CDH4: variants seen among roughly 807,000 people sequenced by gnomAD.
CDH4 encodes cadherin-4.
A neutral mutation model predicts 86.0 loss-of-function variants in CDH4; 33 were observed. The observed-to-expected ratio is 0.38, with a 90% confidence interval of 0.29 to 0.51. The LOEUF is 0.51. Among genes scored for constraint, CDH4 ranks in the 20% least tolerant of loss-of-function variants. CDH4 has a pLI of 0.86. For missense variants in CDH4, 1,114 were observed against 1,307.4 expected (o/e 0.85, Z 2.28); for synonymous variants, 555 against 549.4 (o/e 1.01, Z -0.14).
At chr20:61,834,986 G>A (rs567732287) in intron 4 of CDH4, among the ~76,000 whole-genome samples, 18 of 152,366 alleles carry the variant, frequency 1.2e-4, no homozygotes, top group Non-Finnish European at 1.8e-4. Flanking sequence ...CTGGTGCTGT[G>A]TCGTCACAGA....
chr20:61,783,459 G>A (rs1383936654), intron 4 of CDH4, among the ~76,000 whole-genome samples: 1 of 151,964 alleles, frequency 6.6e-6, no homozygotes, highest in Non-Finnish European at 1.5e-5. Flanking sequence ...CAGTTCCTTG[G>A]GACAGTTCTC....
intron 2 of CDH4, among the ~76,000 whole-genome samples, chr20:61,720,048 G>T (rs1003145896): frequency 6.6e-6 from 1 of 152,140 alleles, no homozygotes; most frequent in Non-Finnish European, 1.5e-5. Flanking sequence ...TCTCAGTAAC[G>T]GAGAAGGAGG....
At chr20:61,469,123 C>A (rs1425978058) in intron 2 of CDH4, among the ~76,000 whole-genome samples, 9 of 152,060 alleles carry the variant, frequency 5.9e-5, no homozygotes, top group Non-Finnish European at 1.3e-4. Flanking sequence ...TTGAGGAACC[C>A]CCAAGCAGTT....
chr20:61,785,461 T>A (rs528338805), intron 4 of CDH4, among the ~76,000 whole-genome samples: 1 of 152,300 alleles, frequency 6.6e-6, no homozygotes, highest in Admixed American at 6.5e-5. Context: ...GGAGCTGGAT[T>A]TGGCCTGTGG....
chr20:61,593,389 A>T (rs2086531928), intron 2 of CDH4, among the ~76,000 whole-genome samples: 1 of 152,196 alleles, frequency 6.6e-6, no homozygotes, highest in Admixed American at 6.5e-5. Flanking sequence ...GGGTCATAGG[A>T]TAACTCACAC....
chr20:61,890,782 T>A (rs1043372480), intron 7 of CDH4, among the ~76,000 whole-genome samples: 1 of 152,160 alleles, frequency 6.6e-6, no homozygotes, highest in African/African-American at 2.4e-5. Flanking sequence ...TCTTGGTAAA[T>A]GTCAGCTCTG....
chr20:61,508,857 C>G (rs1172540915), intron 2 of CDH4, among the ~76,000 whole-genome samples: 2 of 152,226 alleles, frequency 1.3e-5, no homozygotes, highest in African/African-American at 4.8e-5. Context: ...GCAAGGAGGG[C>G]TTGGGCTGGG....
Position 61,663,354 on chromosome 20 carries a change from G to T in CDH4, c.170-80209G>T, listed in dbSNP as rs904779095. Among the ~76,000 whole-genome samples the T allele has an allele frequency of 7.2e-5, 11 of 152,250 alleles. No individual in the cohort carries two copies. The highest frequency in any genetic ancestry group is 2.0e-4 in the Admixed American group (3 of 15,292). ...CTGGGAGGGTGACGCTGGGGCAGGG[G>T]CTGCTGCGGACAAGCGTTGGGAGGC... On this transcript the variant is annotated intron_variant, in intron 2 of 15. Transcript: ENST00000614565. This position sits in a 1 kb window ranked among gnomAD's most constrained non-coding sequence, Gnocchi z 5.0.
chr20:61,652,572 T>C (rs181128371), intron 2 of CDH4, among the ~76,000 whole-genome samples: 1 of 152,328 alleles, frequency 6.6e-6, no homozygotes, highest in East Asian at 1.9e-4. Flanking sequence ...TTTCCTTAGA[T>C]ACATTCTTAA....
intron 5 of CDH4, among the ~76,000 whole-genome samples, chr20:61,850,587 C>T (rs758665242): frequency 3.3e-5 from 5 of 152,236 alleles, no homozygotes; most frequent in South Asian, 2.1e-4. Flanking sequence ...TGCCAGACCA[C>T]GCCCATGTAT....
At chr20:61,823,212 G>T (rs199656218) in intron 4 of CDH4, among the ~76,000 whole-genome samples, 3,455 of 72,088 alleles carry the variant, frequency 0.048, 101 homozygotes, top group East Asian at 0.17. Context: ...AGTTTAAATG[G>T]TGTTGGTGAT....
intron 2 of CDH4, among the ~76,000 whole-genome samples, chr20:61,586,938 A>C (rs930008042): frequency 2.0e-5 from 3 of 152,238 alleles, no homozygotes; most frequent in Admixed American, 6.5e-5. Context: ...ATAAAATCAT[A>C]GATAAGCAGC....
intron 2 of CDH4, among the ~76,000 whole-genome samples, chr20:61,288,276 T>C (rs1202453346): frequency 6.6e-6 from 1 of 152,226 alleles, no homozygotes; most frequent in Non-Finnish European, 1.5e-5. Context: ...CTCAATCTTC[T>C]GGATAGGCCC....
At chr20:61,472,520 T>C (rs2085510592) in intron 2 of CDH4, among the ~76,000 whole-genome samples, 1 of 152,194 alleles carries the variant, frequency 6.6e-6, no homozygotes. Context: ...TTCTTGCTTT[T>C]CATTTTTTTT....
intron 2 of CDH4, among the ~76,000 whole-genome samples, chr20:61,430,645 C>T (rs2085241349): frequency 1.3e-5 from 2 of 152,186 alleles, no homozygotes; most frequent in African/African-American, 4.8e-5. Flanking sequence ...GAAACAATCC[C>T]AGCCTCGCCG....
intron 2 of CDH4, among the ~76,000 whole-genome samples, chr20:61,583,375 A>G (rs1030512282): frequency 6.6e-6 from 1 of 151,974 alleles, no homozygotes; most frequent in African/African-American, 2.4e-5. Context: ...CCCCATGGTC[A>G]TGTCTGGGTG....
intron 2 of CDH4, among the ~76,000 whole-genome samples, chr20:61,398,075 G>A (rs1224488074): frequency 6.6e-6 from 1 of 152,122 alleles, no homozygotes; most frequent in African/African-American, 2.4e-5. Flanking sequence ...TCTTTCCACC[G>A]ATTCACTTGC....
chr20:61,408,989 C>T (rs974806023), intron 2 of CDH4, among the ~76,000 whole-genome samples: 5 of 152,170 alleles, frequency 3.3e-5, no homozygotes, highest in South Asian at 2.1e-4. Flanking sequence ...TTCAATGTGG[C>T]GTTTAAGGTT....
chr20:61,874,013 C>T, intron 7 of CDH4, 113 bp downstream of exon 7: 1 of 1,122,368 alleles, frequency 8.9e-7, no homozygotes, highest in East Asian at 2.4e-5. Context: ...GATCGACAGT[C>T]TCCCCAGTGG....
Sources: allele counts gnomAD v4.1 joint callset (sites outside exome capture counted in the v4.1 genomes callset), GRCh38; gene constraint gnomAD v4.1.1; non-coding constraint Gnocchi (gnomAD v3.1); transcripts MANE v1.5; gene names NCBI Gene and HGNC (gene_info 2026-07-23, HGNC 2026-07-21).